The following SV2C variants were observed in gnomAD, a reference collection of about 807,000 sequenced individuals.
SV2C encodes the protein synaptic vesicle glycoprotein 2C.
A neutral mutation model predicts 79.7 loss-of-function variants in SV2C; 49 were observed. The observed-to-expected ratio is 0.61, with a 90% CI of 0.49 to 0.78. The LOEUF is 0.78. SV2C is among the 30% of genes least tolerant of loss of function. The pLI is 0.00. For synonymous variants in SV2C, 334 were observed against 333.2 expected (o/e 1.00, Z -0.03); for missense variants, 833 against 912.9 (o/e 0.91, Z 1.13).
the SV2C span, among the ~76,000 whole-genome samples, chr5:75,937,049 A>G: frequency 0.013 from 1,574 of 125,600 alleles, 18 homozygotes; most frequent in African/African-American, 0.049. Flanking sequence ...TCTTTCTGTC[A>G]CACTGGCATA....
At chr5:76,134,731 A>T (rs1411651745) in intron 2 of SV2C, among the ~76,000 whole-genome samples, 1 of 152,196 alleles carries the variant, frequency 6.6e-6, no homozygotes, top group Non-Finnish European at 1.5e-5. Flanking sequence ...TATATATAAC[A>T]TTGTTAATTG....
intron 1 of SV2C, among the ~76,000 whole-genome samples, chr5:76,087,663 G>A (rs772431868): frequency 9.9e-5 from 15 of 152,232 alleles, no homozygotes; most frequent in African/African-American, 1.9e-4. Context: ...CAAGTGAGTC[G>A]GATGTTATCA....
intron 1 of SV2C, among the ~76,000 whole-genome samples, chr5:76,116,979 C>A (rs1748289107): frequency 6.6e-6 from 1 of 152,138 alleles, no homozygotes; most frequent in African/African-American, 2.4e-5. Context: ...TCCAGATCTA[C>A]AGAAGGATAT....
the SV2C span, among the ~76,000 whole-genome samples, chr5:75,912,392 C>T: frequency 6.6e-6 from 1 of 152,178 alleles, no homozygotes; most frequent in East Asian, 1.9e-4. Flanking sequence ...ACTTGGGAGG[C>T]TGAGACGGGA....
At chr5:76,013,378 G>A in the SV2C span, among the ~76,000 whole-genome samples, 1 of 152,224 alleles carries the variant, frequency 6.6e-6, no homozygotes, top group Admixed American at 6.5e-5. Context: ...ATTGTGAATG[G>A]GAGTTCACTC....
At chr5:76,039,107 A>T in the SV2C span, among the ~76,000 whole-genome samples, 9 of 152,234 alleles carry the variant, frequency 5.9e-5, no homozygotes, top group African/African-American at 2.2e-4. Flanking sequence ...CACACCTTGG[A>T]GAAAGAAGTG....
chr5:75,871,214 T>C, the SV2C span, among the ~76,000 whole-genome samples: 1 of 152,168 alleles, frequency 6.6e-6, no homozygotes, highest in Non-Finnish European at 1.5e-5. Flanking sequence ...TTTAAAAATG[T>C]TTTTAATTGA....
chr5:76,246,007 T>C (rs969892038), intron 4 of SV2C, among the ~76,000 whole-genome samples: 4 of 151,436 alleles, frequency 2.6e-5, no homozygotes, highest in African/African-American at 9.7e-5. Flanking sequence ...TTCCAGCATA[T>C]AGAGATTATG....
chr5:76,125,801 T>A (rs1748687449), intron 1 of SV2C, among the ~76,000 whole-genome samples: 1 of 152,168 alleles, frequency 6.6e-6, no homozygotes, highest in Admixed American at 6.5e-5. Context: ...CTCACACCTG[T>A]AATCCCAGCA....
intron 2 of SV2C, among the ~76,000 whole-genome samples, chr5:76,179,686 G>A (rs189106364): frequency 9.3e-4 from 142 of 152,328 alleles, no homozygotes; most frequent in Non-Finnish European, 1.6e-3. Flanking sequence ...GTGTCAAGAA[G>A]TGCTGCCCTG....
chr5:76,214,453 A>G (rs775782048), intron 4 of SV2C, among the ~76,000 whole-genome samples: 1 of 152,184 alleles, frequency 6.6e-6, no homozygotes, highest in Non-Finnish European at 1.5e-5. Flanking sequence ...ATATAATTTG[A>G]AATCAGGAAG....
chr5:76,082,736 T>C (rs1266616588), upstream of SV2C, among the ~76,000 whole-genome samples: 1 of 148,904 alleles, frequency 6.7e-6, no homozygotes, highest in Non-Finnish European at 1.5e-5. Flanking sequence ...GGGGAGACAG[T>C]AGACTTAACC....
chr5:75,987,628 A>G, the SV2C span, among the ~76,000 whole-genome samples: 3 of 152,034 alleles, frequency 2.0e-5, no homozygotes, highest in Admixed American at 2.0e-4. Context: ...AGCTGAAGGC[A>G]TTTCAGATCA....
intron 12 of SV2C, among the ~76,000 whole-genome samples, chr5:76,339,028 C>G (rs1053247773): frequency 2.0e-5 from 3 of 152,038 alleles, no homozygotes; most frequent in African/African-American, 7.3e-5. Flanking sequence ...GCTTCCGAGG[C>G]AGACACTGTG....
rs1392491843 is a variant in SV2C, at chr5:76,085,691, T to A, written c.-102+2179T>A. ...TGGGTTCATCTTCCACCTCTGAGAA[T>A]TGTGAAAAATAGCTTATACTAGCTC... On this transcript the variant is annotated intron_variant, in intron 1 of 12. Transcript: ENST00000502798. Among the ~76,000 whole-genome samples the A allele has an allele frequency of 5.3e-5, 8 of 152,246 alleles. No homozygotes were observed. The South Asian group carries it at 1.2e-3, about 24-fold the overall frequency.
chr5:75,888,290 C>T, the SV2C span, among the ~76,000 whole-genome samples: 14 of 151,256 alleles, frequency 9.3e-5, no homozygotes, highest in African/African-American at 3.4e-4. Flanking sequence ...TACCATTAGA[C>T]ATGGTTTATC....
intron 4 of SV2C, among the ~76,000 whole-genome samples, chr5:76,249,926 G>A (rs1056480609): frequency 6.6e-6 from 1 of 152,154 alleles, no homozygotes; most frequent in East Asian, 1.9e-4. Context: ...CTGGTAATGA[G>A]ATTTTTCCAT....
intron 12 of SV2C, among the ~76,000 whole-genome samples, chr5:76,344,793 TGTGA>T (rs1749507771): frequency 6.6e-6 from 1 of 152,234 alleles, no homozygotes; most frequent in African/African-American, 2.4e-5. Context: ...ATGAACTATT[TGTGA>T]TTCATTTCTT....
chr5:76,153,473 T>A (rs1742623888), intron 2 of SV2C, among the ~76,000 whole-genome samples: 1 of 152,162 alleles, frequency 6.6e-6, no homozygotes, highest in Non-Finnish European at 1.5e-5. Context: ...AAATTGCCTT[T>A]CTTAGTCATC....
Sources: allele counts gnomAD v4.1 joint callset (sites outside exome capture counted in the v4.1 genomes callset), GRCh38; gene constraint gnomAD v4.1.1; transcripts MANE v1.5; gene names NCBI Gene and HGNC (gene_info 2026-07-23, HGNC 2026-07-21).